The following KDM6A variants were observed in gnomAD, a reference collection of about 807,000 sequenced individuals.
The protein encoded by KDM6A is lysine demethylase 6A.
Under a neutral mutation model 117.6 loss-of-function variants are expected in KDM6A, and 11 were observed. The ratio of observed to expected loss-of-function variants is 0.09; its 90% CI spans 0.06 to 0.15. The LOEUF (loss-of-function observed/expected upper bound fraction) is 0.15, where lower values mean the gene tolerates loss of function less well. Ranked by LOEUF, KDM6A falls within the 10% of genes least tolerant of loss-of-function variation. KDM6A has a pLI of 1.00. For synonymous variants in KDM6A, 384 were observed against 396.1 expected, an observed-to-expected ratio of 0.97 and a Z score of 0.36; for missense variants, 799 against 1,077.3, an observed-to-expected ratio of 0.74 and a Z score of 3.62.
intron 2 of KDM6A, among the ~76,000 whole-genome samples, chrX:44,913,976 A>T (rs1262944305): frequency 1.8e-5 from 2 of 111,441 alleles, no homozygotes; most frequent in Non-Finnish European, 3.8e-5. Flanking sequence ...TAAAGTGTAA[A>T]ATGTGAGATC....
chrX:44,916,482 G>T (rs369381110), intron 2 of KDM6A, among the ~76,000 whole-genome samples: 3 of 110,608 alleles, frequency 2.7e-5, no homozygotes, highest in African/African-American at 9.9e-5. Context: ...CTATGCTTTG[G>T]CTGCCTTTAC....
rs762615364 is a variant in KDM6A at position 45,059,240 on chromosome X, T to C, written c.975-7T>C. The C allele has an allele frequency of 8.3e-7, 1 of 1,208,287 alleles. No homozygotes were observed. The highest frequency in any genetic ancestry group is 1.8e-5 in the South Asian group (1 of 56,840). On this transcript the variant is annotated splice_region_variant and splice_polypyrimidine_tract_variant and intron_variant, in intron 11 of 29. Coordinates refer to ENST00000611820, the MANE Select transcript of KDM6A (RefSeq NM_001291415.2). ...TTGACTTATTTTTTCTTAATTTCTC[T>C]TTCCAGTGTGCTATATCAGCAGCAA... is the stretch of plus-strand genomic sequence containing the variant.
At chrX:44,901,842 A>ATATGTT (rs2034368436) in intron 2 of KDM6A, among the ~76,000 whole-genome samples, 2 of 112,385 alleles carry the variant, frequency 1.8e-5, no homozygotes, top group Non-Finnish European at 3.8e-5. Flanking sequence ...TGCATGGTAC[A>ATATGTT]TATGTTTTAC....
chrX:45,108,719 C>G (rs2046625212), intron 28 of KDM6A, among the ~76,000 whole-genome samples: 1 of 99,029 alleles, frequency 1.0e-5, no homozygotes, highest in Admixed American at 1.1e-4. Flanking sequence ...GGAACCAACC[C>G]AAATGTCCAA....
chrX:44,912,921 G>T (rs1337000156), intron 2 of KDM6A, among the ~76,000 whole-genome samples: 1 of 112,282 alleles, frequency 8.9e-6, no homozygotes, highest in African/African-American at 3.2e-5. Flanking sequence ...TATACTCAAA[G>T]TTTGCAATGT....
chrX:44,971,040 C>G (rs988514239), intron 3 of KDM6A, among the ~76,000 whole-genome samples: 1 of 111,323 alleles, frequency 9.0e-6, no homozygotes, highest in African/African-American at 3.3e-5. Flanking sequence ...AAACTGATAA[C>G]CTTTTCAAAT....
chrX:44,932,084 C>CTTTT (rs796121677), intron 2 of KDM6A, among the ~76,000 whole-genome samples: 917 of 17,096 alleles, frequency 0.054, 225 homozygotes, highest in African/African-American at 0.19. Context: ...TCTAGGTAGC[C>CTTTT]TTTTTTTTTT....
intron 2 of KDM6A, among the ~76,000 whole-genome samples, chrX:44,946,609 A>G (rs1423803758): frequency 1.8e-5 from 2 of 111,040 alleles, no homozygotes; most frequent in African/African-American, 6.5e-5. Context: ...CTTTTTGTCT[A>G]ATTTTAAAGA....
chrX:45,007,564 C>T (rs1006915130), intron 4 of KDM6A, among the ~76,000 whole-genome samples: 11 of 111,724 alleles, frequency 9.8e-5, no homozygotes, highest in African/African-American at 3.3e-5. Flanking sequence ...TCTTTTAATT[C>T]TGTTTTTTTC....
chrX:44,897,530 ATTT>A (rs1465472258), intron 2 of KDM6A, among the ~76,000 whole-genome samples: 1 of 110,645 alleles, frequency 9.0e-6, no homozygotes, highest in Non-Finnish European at 1.9e-5. Flanking sequence ...TACTCTGGAC[ATTT>A]TGGATATCAT....
At chrX:44,919,889 C>T (rs979382401) in intron 2 of KDM6A, among the ~76,000 whole-genome samples, 3 of 111,715 alleles carry the variant, frequency 2.7e-5, no homozygotes, top group African/African-American at 6.5e-5. Context: ...GGATTACAGG[C>T]GTGAGCCACC....
intron 6 of KDM6A, among the ~76,000 whole-genome samples, chrX:45,032,451 G>A (rs143525034): frequency 8.9e-6 from 1 of 112,160 alleles, no homozygotes; most frequent in African/African-American, 3.2e-5. Flanking sequence ...TTTTCTTTAT[G>A]TGGAACGGTG....
At chrX:45,082,120 T>G (rs2045438647) in intron 21 of KDM6A, among the ~76,000 whole-genome samples, 1 of 109,373 alleles carries the variant, frequency 9.1e-6, no homozygotes, top group Non-Finnish European at 1.9e-5. Flanking sequence ...TTGAAGAAAT[T>G]TTCATGTGTA....
chrX:44,939,213 T>C (rs1353532374), intron 2 of KDM6A, among the ~76,000 whole-genome samples: 1 of 112,411 alleles, frequency 8.9e-6, no homozygotes, highest in African/African-American at 3.2e-5. Flanking sequence ...ATAAAAAACC[T>C]TCTGGGAAGG....
intron 26 of KDM6A, 93 bp downstream of exon 26, chrX:45,090,023 AGTT>A: frequency 1.4e-6 from 1 of 691,690 alleles, no homozygotes; most frequent in Non-Finnish European, 2.1e-6. Flanking sequence ...ACTCACTAAA[AGTT>A]GTAAGAAGAA....
chrX:44,981,493 A>G (rs2039906169), intron 4 of KDM6A, among the ~76,000 whole-genome samples: 1 of 111,712 alleles, frequency 9.0e-6, no homozygotes, highest in Non-Finnish European at 1.9e-5. Flanking sequence ...AGCTATCCAG[A>G]AGCTCTCCAA....
chrX:45,082,655 A>C lies in KDM6A; in HGVS notation c.3365+15A>C, dbSNP rs1298324925. ...TCGTCAGATAAGTAAGTCATTTTTAATGTCCACTTAGTATTTCTTTTTAAA... is the reference window on the plus strand; with the variant it reads ...TCGTCAGATAAGTAAGTCATTTTTACTGTCCACTTAGTATTTCTTTTTAAA... On this transcript the variant is annotated intron_variant, in intron 22 of 29. Transcript: ENST00000611820. 1 of 1,167,614 alleles carries C rather than the reference A, an allele frequency of 8.6e-7. No homozygotes were observed. Among genetic ancestry groups the C allele is most frequent in the Non-Finnish European group, 1.2e-6 (1 of 857,207 alleles).
intron 8 of KDM6A, among the ~76,000 whole-genome samples, chrX:45,045,521 G>A (rs772142192): frequency 9.4e-6 from 1 of 106,099 alleles, no homozygotes; most frequent in Non-Finnish European, 1.9e-5. Flanking sequence ...AGGAGGTGGA[G>A]GTTGCAGTGA....
intron 2 of KDM6A, among the ~76,000 whole-genome samples, chrX:44,948,193 CTTGAGGGCTCTTAAGATT>C: frequency 8.9e-6 from 1 of 111,787 alleles, no homozygotes; most frequent in South Asian, 3.7e-4. Context: ...GAGAGAATTT[CTTGAGGGCTCTTAAGATT>C]GGTACATATA....
Sources: allele counts gnomAD v4.1 joint callset (sites outside exome capture counted in the v4.1 genomes callset), GRCh38; gene constraint gnomAD v4.1.1; transcripts MANE v1.5; gene names NCBI Gene and HGNC (gene_info 2026-07-23, HGNC 2026-07-21).